PRLR: variants seen among roughly 807,000 people sequenced by gnomAD.
PRLR encodes prolactin receptor.
In PRLR, 13 loss-of-function variants were observed where a neutral mutation model predicts 40.2. That is an observed-to-expected ratio of 0.32 (90% CI 0.21 to 0.51). PRLR has a LOEUF of 0.51. Among genes scored for constraint, PRLR ranks in the 20% least tolerant of loss-of-function variants. The pLI, the probability that PRLR is intolerant of heterozygous loss-of-function variation, is 0.97. For synonymous variants in PRLR, 269 were observed against 278.7 expected, an observed-to-expected ratio of 0.97 and a Z score of 0.35; for missense variants, 656 against 747.3, an observed-to-expected ratio of 0.88 and a Z score of 1.42.
rs1396630362 is a variant in PRLR at position 35,049,842 on chromosome 5, A to G, written c.1010-434T>C. On this transcript the variant is annotated intron_variant, in intron 8 of 8. Transcript: ENST00000231423. ...CAAAATGTGTGTACATTTTAAATGCATCTCAGTAAGATGACATCAATTTAT... is the reference window on the plus strand; with the variant it reads ...CAAAATGTGTGTACATTTTAAATGCGTCTCAGTAAGATGACATCAATTTAT... Among the ~76,000 whole-genome samples, 3 of 151,984 alleles carry G rather than the reference A, an allele frequency of 2.0e-5. No homozygotes were observed. The East Asian group carries it at 5.8e-4, about 29-fold the overall frequency.
chr5:35,157,995 G>T (rs1774559887), intron 1 of PRLR, among the ~76,000 whole-genome samples: 1 of 152,192 alleles, frequency 6.6e-6, no homozygotes, highest in Non-Finnish European at 1.5e-5. Flanking sequence ...TTATCTGCTA[G>T]CCTCACACTT....
chr5:35,140,795 A>G (rs553930930), intron 1 of PRLR, among the ~76,000 whole-genome samples: 1 of 152,304 alleles, frequency 6.6e-6, no homozygotes, highest in South Asian at 2.1e-4. Flanking sequence ...AAATATTTTG[A>G]ATGTTACATC....
At chr5:35,128,478 A>G (rs536416702) in intron 1 of PRLR, among the ~76,000 whole-genome samples, 1 of 151,922 alleles carries the variant, frequency 6.6e-6, no homozygotes, top group South Asian at 2.1e-4. Flanking sequence ...TTGTTACACT[A>G]TATTGTTTTA....
intron 6 of PRLR, among the ~76,000 whole-genome samples, chr5:35,070,944 G>A (rs970117764): frequency 6.6e-6 from 1 of 151,440 alleles, no homozygotes; most frequent in Non-Finnish European, 1.5e-5. Context: ...TTAAAAACAT[G>A]AGGTGAAAGA....
In PRLR at chr5:35,223,601, G is replaced by T. The variant is rs567984263; in HGVS notation, c.-106+6667C>A. 2.6e-5 allele frequency among the ~76,000 whole-genome samples: 4 copies of T among 152,242 alleles called. No individual in the cohort carries two copies. In the East Asian group the frequency reaches 5.8e-4, roughly 22 times the overall value. ...TCTCCTTCTCTCCTTGTGTCTTTAG[G>T]CTTCCAGCCCTCAATGCCCATTTTC... On this transcript the variant is annotated intron_variant, in intron 1 of 9. Coordinates refer to ENST00000618457, the MANE Select transcript of PRLR (RefSeq NM_000949.7).
chr5:35,211,279 T>C (rs544031642), intron 1 of PRLR, among the ~76,000 whole-genome samples: 24 of 152,286 alleles, frequency 1.6e-4, no homozygotes, highest in African/African-American at 5.5e-4. Flanking sequence ...GTTTATTCCT[T>C]GCTATAGTCA....
At position 35,118,156 on chromosome 5, in the gene PRLR, A is replaced by C. The variant is rs1206107713; in HGVS notation, c.-105-34T>G. ...GGAAATGATTCATTTTAGCTCCAAG[A>C]TGACAAAACGGGAGATTCCATTTCT... On this transcript the variant is annotated intron_variant, in intron 1 of 9. Transcript: ENST00000618457. The C allele has an allele frequency of 9.3e-6, 9 of 963,360 alleles. No individual in the cohort carries two copies. In the African/African-American group the frequency reaches 1.6e-4, roughly 17 times the overall value. 59.7% of individuals were successfully genotyped at this position (963,360 alleles called of 1,614,324 possible).
intron 1 of PRLR, among the ~76,000 whole-genome samples, chr5:35,149,589 T>TAG (rs985123110): frequency 6.6e-6 from 1 of 152,204 alleles, no homozygotes; most frequent in African/African-American, 2.4e-5. Context: ...GGGTCTCTGC[T>TAG]AGAGAGTCTT....
intron 1 of PRLR, among the ~76,000 whole-genome samples, chr5:35,126,176 T>A (rs149203526): frequency 6.6e-6 from 1 of 152,214 alleles, no homozygotes; most frequent in African/African-American, 2.4e-5. Context: ...AGCTATTAAG[T>A]TGAGAACTGA....
chr5:35,171,249 C>A (rs1431017107), intron 1 of PRLR, among the ~76,000 whole-genome samples: 1 of 152,102 alleles, frequency 6.6e-6, no homozygotes, highest in Non-Finnish European at 1.5e-5. Context: ...ATGACAGCAA[C>A]CCTTGCTGCT....
intron 2 of PRLR, among the ~76,000 whole-genome samples, chr5:35,093,220 A>G (rs922969380): frequency 9.9e-5 from 15 of 152,136 alleles, no homozygotes; most frequent in Admixed American, 8.5e-4. Flanking sequence ...TGACCATACT[A>G]TCCACATTAG....
intron 1 of PRLR, among the ~76,000 whole-genome samples, chr5:35,153,780 ATTG>A (rs899143640): frequency 7.1e-6 from 1 of 141,238 alleles, no homozygotes; most frequent in African/African-American, 2.7e-5. Flanking sequence ...CACACACCCC[ATTG>A]TTATTTCTGC....
intron 1 of PRLR, among the ~76,000 whole-genome samples, chr5:35,208,483 C>T (rs547707859): frequency 6.4e-4 from 97 of 152,246 alleles, no homozygotes; most frequent in African/African-American, 2.2e-3. Flanking sequence ...GGCAAAACCA[C>T]CTGCACCTTG....
At chr5:35,054,736 C>A (rs1768635442), downstream of PRLR, among the ~76,000 whole-genome samples, 2 of 152,096 alleles carry the variant, frequency 1.3e-5, no homozygotes, top group Non-Finnish European at 2.9e-5. Context: ...CTCAAAAACC[C>A]AATGCCGAAT....
intron 6 of PRLR, among the ~76,000 whole-genome samples, chr5:35,070,576 C>T (rs370835698): frequency 2.6e-5 from 4 of 151,706 alleles, no homozygotes; most frequent in African/African-American, 9.7e-5. Context: ...AGGCATGGTG[C>T]CTCATGCCTG....
At chr5:35,200,529 G>A (rs1306569643) in intron 1 of PRLR, among the ~76,000 whole-genome samples, 2 of 152,192 alleles carry the variant, frequency 1.3e-5, no homozygotes, top group East Asian at 1.9e-4. Context: ...AAACTGCAAC[G>A]AAATAGAGAT....
In PRLR at chr5:35,065,768, A is replaced by G. The variant is rs558661775; in HGVS notation, c.1190T>C (p.Ile397Thr). 1.2e-6 allele frequency: 2 copies of G among 1,614,102 alleles called. No homozygotes were observed. The highest frequency in any genetic ancestry group is 2.7e-5 in the African/African-American group (2 of 75,012). Reference sequence around the variant, plus strand: ...ATAGGGGATTTTGCCTTCCATGCTTATGCACTGGGGGTCCCAGGTGTGGGT... The same window carrying G: ...ATAGGGGATTTTGCCTTCCATGCTTGTGCACTGGGGGTCCCAGGTGTGGGT... ...ETTHTWDPQC[I>T]SMEGKIPYFH... Residue 397 changes from isoleucine to threonine, a missense_variant, in exon 10 of 10, where the codon ATA becomes ACA. By Grantham distance (89) the Ile-to-Thr change is moderately conservative (BLOSUM62 -1). Transcript: ENST00000618457.
intron 1 of PRLR, among the ~76,000 whole-genome samples, chr5:35,185,334 C>T (rs1220855411): frequency 1.3e-5 from 2 of 152,128 alleles, no homozygotes; most frequent in Non-Finnish European, 2.9e-5. Context: ...TTCCACAAGT[C>T]TGGCCAGATG....
At chr5:35,105,180 T>C (rs773114584) in intron 2 of PRLR, among the ~76,000 whole-genome samples, 14 of 152,172 alleles carry the variant, frequency 9.2e-5, no homozygotes, top group South Asian at 4.1e-4. Flanking sequence ...AAGGAAAAAC[T>C]AACAAACAGA....
Sources: allele counts gnomAD v4.1 joint callset (sites outside exome capture counted in the v4.1 genomes callset), GRCh38; gene constraint gnomAD v4.1.1; transcripts MANE v1.5; gene names NCBI Gene and HGNC (gene_info 2026-07-23, HGNC 2026-07-21).